MPRIP: variants seen among roughly 807,000 people sequenced by gnomAD.
The protein encoded by MPRIP is myosin phosphatase Rho-interacting protein.
In MPRIP, 59 loss-of-function variants were observed where a neutral mutation model predicts 234.9. The observed-to-expected ratio is 0.25, with a 90% confidence interval of 0.20 to 0.31. MPRIP has a LOEUF of 0.31. MPRIP is among the 10% of genes least tolerant of loss of function. The pLI is 1.00. For synonymous variants in MPRIP, 1,144 were observed against 1,263.9 expected (o/e 0.91, Z 2.01); for missense variants, 2,436 against 3,071.0 (o/e 0.79, Z 4.89).
chr17:17,086,123 G>A (rs1389904461), intron 3 of MPRIP, among the ~76,000 whole-genome samples: 2 of 152,108 alleles, frequency 1.3e-5, no homozygotes, highest in Non-Finnish European at 2.9e-5. Context: ...GTGGTGACTG[G>A]TGAATGAGCA....
chr17:17,156,405 C>T (rs1180802631), intron 13 of MPRIP, among the ~76,000 whole-genome samples: 1 of 152,244 alleles, frequency 6.6e-6, no homozygotes, highest in Non-Finnish European at 1.5e-5. Flanking sequence ...TGCTCACCCT[C>T]CACCAGTTTG....
At chr17:17,179,738 C>A (rs1192397373) in intron 22 of MPRIP, among the ~76,000 whole-genome samples, 1 of 152,206 alleles carries the variant, frequency 6.6e-6, no homozygotes, top group Non-Finnish European at 1.5e-5. Context: ...GAAGGGAATG[C>A]TGTTGTGGGC....
intron 20 of MPRIP, among the ~76,000 whole-genome samples, chr17:17,175,891 A>G (rs796440905): frequency 1.3e-5 from 2 of 152,344 alleles, no homozygotes; most frequent in African/African-American, 4.8e-5. Context: ...GAGCTCACCC[A>G]GCTGGGCTGG....
chr17:17,053,883 G>A (rs995748436), intron 1 of MPRIP, among the ~76,000 whole-genome samples: 1 of 152,226 alleles, frequency 6.6e-6, no homozygotes, highest in Non-Finnish European at 1.5e-5. Context: ...TTTGCCTTGT[G>A]TGTGTTTGAT....
rs779512475 is a variant in MPRIP at position 17,042,832 on chromosome 17, T to G, written c.-17T>G. 1 of 1,459,270 alleles carries G rather than the reference T, an allele frequency of 6.9e-7. No individual in the cohort carries two copies. Among genetic ancestry groups the G allele is most frequent in the Non-Finnish European group, 9.1e-7 (1 of 1,097,404 alleles). 90.4% of individuals were successfully genotyped at this position (1,459,270 alleles called of 1,614,324 possible). On this transcript the variant is annotated 5_prime_UTR_variant, in exon 1 of 24. Coordinates refer to ENST00000651222, the MANE Select transcript of MPRIP (RefSeq NM_001364716.4). ...GCCTGCGCCGCCGCCGCCGCCGCCG[T>G]CGCCGCCGCGCCGACCATGTCGGCA...
Position 17,166,865 on chromosome 17 carries a change from A to G in MPRIP, c.5274A>G (p.Ser1758=), listed in dbSNP as rs568107245. The change falls in exon 16 of 24, where the codon TCA becomes TCG. Residue 1758 remains serine, a synonymous_variant. Transcript: ENST00000651222. The surrounding 1 kb of genome is among the most constrained non-coding windows in gnomAD (Gnocchi z 4.4). The part of the protein sequence containing the change: ...SPLGEVLGRD[S]DSSQEPFDVS... ...TAGGAGAAGTCCTGGGCCGAGACTCAGACAGCTCTCAGGAGCCCTTCGATG... is the reference window on the plus strand; with the variant it reads ...TAGGAGAAGTCCTGGGCCGAGACTCGGACAGCTCTCAGGAGCCCTTCGATG... 36 of 1,304,062 alleles carry G rather than the reference A, an allele frequency of 2.8e-5. No individual in the cohort carries two copies. Among genetic ancestry groups the G allele is most frequent in the Admixed American group, 9.2e-5 (4 of 43,556 alleles). The allele number at this position is 1,304,062 out of a possible 1,614,324, so 80.8% of individuals were successfully genotyped here.
At chr17:17,082,949 T>C (rs759401932) in intron 3 of MPRIP, among the ~76,000 whole-genome samples, 16 of 152,138 alleles carry the variant, frequency 1.1e-4, no homozygotes, top group Non-Finnish European at 2.2e-4. Context: ...TCCCTCCTGA[T>C]TGTGGTAGGT....
intron 3 of MPRIP, among the ~76,000 whole-genome samples, chr17:17,106,115 G>C (rs2090058308): frequency 6.6e-6 from 1 of 152,062 alleles, no homozygotes; most frequent in Admixed American, 6.5e-5. Context: ...GTGGGAGCTT[G>C]TCCAGGGCGA....
At chr17:17,063,712 C>G (rs947156286) in intron 1 of MPRIP, among the ~76,000 whole-genome samples, 1 of 152,228 alleles carries the variant, frequency 6.6e-6, no homozygotes, top group Admixed American at 6.5e-5. Flanking sequence ...CGTTAGAGAT[C>G]TTGTCACCGA....
chr17:17,112,691 G>A (rs989537237), intron 3 of MPRIP, among the ~76,000 whole-genome samples: 11 of 152,236 alleles, frequency 7.2e-5, no homozygotes, highest in African/African-American at 2.4e-5. Context: ...CCAGCTCTGC[G>A]GGAGGAGGAC....
chr17:17,126,006 T>TCTCCATAAAGGTCCTCTTGC (rs550575010), intron 3 of MPRIP, among the ~76,000 whole-genome samples: 104 of 152,280 alleles, frequency 6.8e-4, no homozygotes, highest in Middle Eastern at 3.4e-3. Context: ...AAACAAGTCA[T>TCTCCATAAAGGTCCTCTTGC]CTCCATAAAG....
rs1013920866 is a variant in MPRIP at position 17,138,208 on chromosome 17, C to T, written c.1029C>T (p.Tyr343=). ...SLDVASQPPA[Y]VDSGSTRGRG... is the part of the protein sequence containing the mutation. ...ATGTGGCCAGCCAGCCACCTGCCTA[C>T]GTGGACTCTGGCAGCACTAGGGGGC... The change falls in exon 7 of 24, where the codon TAC becomes TAT. Residue 343 remains tyrosine, a synonymous_variant. Coordinates refer to ENST00000651222, the MANE Select transcript of MPRIP (RefSeq NM_001364716.4). The surrounding 1 kb of genome is among the most constrained non-coding windows in gnomAD (Gnocchi z 5.8). The T allele has an allele frequency of 1.6e-5, 13 of 795,058 alleles. No homozygotes were observed. The highest frequency in any genetic ancestry group is 7.2e-5 in the African/African-American group (4 of 55,924). The allele number at this position is 795,058 out of a possible 1,614,324, so 49.3% of individuals were successfully genotyped here.
rs2143780951 is a variant in MPRIP at position 17,042,797 on chromosome 17, GGCCGGCCAGGCCTGCGCCGCC to G, written c.-47_-27del. 1 of 1,063,802 alleles carries G rather than the reference GGCCGGCCAGGCCTGCGCCGCC, an allele frequency of 9.4e-7. No homozygotes were observed. The highest frequency in any genetic ancestry group is 5.8e-5 in the Admixed American group (1 of 17,308). The allele number at this position is 1,063,802 out of a possible 1,614,324, so 65.9% of individuals were successfully genotyped here. A position where few individuals can be genotyped will look rare whatever the true frequency, so the allele number is the denominator to read the frequency against. ...AGCCCCTAGCCCGCCGGGAGCGCCA[GGCCGGCCAGGCCTGCGCCGCC>G]GCCGCCGCCGCCGTCGCCGCCGCGC... On this transcript the variant is annotated 5_prime_UTR_variant, in exon 1 of 24. Transcript: ENST00000651222.
Position 17,174,173 on chromosome 17 carries a change from C to G in MPRIP, c.6750+98C>G, listed in dbSNP as rs559149496. 3.0e-5 allele frequency: 43 copies of G among 1,417,924 alleles called. No homozygotes were observed. In the Middle Eastern group the frequency reaches 7.4e-4, roughly 24 times the overall value. The allele number at this position is 1,417,924 out of a possible 1,614,324, so 87.8% of individuals were successfully genotyped here. On this transcript the variant is annotated intron_variant, in intron 19 of 23. Transcript: ENST00000651222. Reference sequence around the variant, plus strand: ...GTCCACACTGGAGCTGGAGCCAGGCCTCACCCTCAAAGTGGCATGAAGGTC... The same window carrying G: ...GTCCACACTGGAGCTGGAGCCAGGCGTCACCCTCAAAGTGGCATGAAGGTC...
intron 3 of MPRIP, among the ~76,000 whole-genome samples, chr17:17,123,635 T>C (rs551674927): frequency 1.4e-5 from 2 of 140,542 alleles, no homozygotes; most frequent in South Asian, 4.3e-4. Flanking sequence ...ACCCAGGGGA[T>C]GGAGGTTGCA....
intron 1 of MPRIP, among the ~76,000 whole-genome samples, chr17:17,052,607 G>C (rs1051832459): frequency 3.9e-5 from 6 of 152,156 alleles, no homozygotes; most frequent in African/African-American, 1.2e-4. Context: ...TTGCTATCAG[G>C]AACAGGGCCT....
At chr17:17,072,058 G>A (rs1293151398) in intron 1 of MPRIP, among the ~76,000 whole-genome samples, 1 of 152,230 alleles carries the variant, frequency 6.6e-6, no homozygotes, top group African/African-American at 2.4e-5. Flanking sequence ...AGGACCGTCT[G>A]GAAGAGAATA....
At chr17:17,124,953 C>T (rs2144378529) in intron 3 of MPRIP, among the ~76,000 whole-genome samples, 1 of 152,340 alleles carries the variant, frequency 6.6e-6, no homozygotes, top group East Asian at 1.9e-4. Flanking sequence ...TGGCTGTGGC[C>T]ATAGCACTCA....
chr17:17,075,662 T>A (rs1395946537), intron 1 of MPRIP, 48 bp from the exon 2 acceptor site: 4 of 1,532,484 alleles, frequency 2.6e-6, no homozygotes, highest in Non-Finnish European at 3.6e-6. Flanking sequence ...CTGTTCTCTC[T>A]TCTGGGTTGA....
Sources: gnomAD v4.1 joint callset for allele counts (sites outside exome capture counted in the v4.1 genomes callset) on GRCh38, gnomAD v4.1.1 for gene constraint, Gnocchi (gnomAD v3.1) non-coding constraint, MANE v1.5 for transcripts, NCBI Gene and HGNC (gene_info 2026-07-23, HGNC 2026-07-21) for gene names.